BRDT: variants seen among roughly 807,000 people sequenced by gnomAD.
The protein encoded by BRDT is bromodomain testis associated.
BRDT carries 77 observed loss-of-function variants against 113.9 expected under a neutral mutation model. The observed-to-expected ratio is 0.68, with a 90% CI of 0.56 to 0.82. The LOEUF (loss-of-function observed/expected upper bound fraction) is 0.82. Among genes scored for constraint, BRDT ranks in the 40% least tolerant of loss-of-function variants. BRDT has a pLI of 0.00. For synonymous variants in BRDT, 358 were observed against 366.5 expected (o/e 0.98, Z 0.26); for missense variants, 1,027 against 1,105.4 (o/e 0.93, Z 1.01).
At chr1:92,007,814 A>G (rs1242671820) in intron 18 of BRDT, among the ~76,000 whole-genome samples, 2 of 152,150 alleles carry the variant, frequency 1.3e-5, no homozygotes, top group Non-Finnish European at 2.9e-5. Flanking sequence ...TATCTCTTAA[A>G]TTGTTTTAAA....
intron 12 of BRDT, among the ~76,000 whole-genome samples, chr1:91,982,018 A>G (rs1684777534): frequency 6.6e-6 from 1 of 152,206 alleles, no homozygotes; most frequent in Non-Finnish European, 1.5e-5. Flanking sequence ...GTCTCAATAA[A>G]TAATTTCAAA....
At chr1:91,995,460 G>A (rs527917525) in intron 15 of BRDT, among the ~76,000 whole-genome samples, 24 of 137,440 alleles carry the variant, frequency 1.7e-4, no homozygotes, top group African/African-American at 6.7e-4. Context: ...TGTGTGTGTT[G>A]TTTAAATTTT....
intron 15 of BRDT, among the ~76,000 whole-genome samples, chr1:91,994,846 C>T (rs1291385345): frequency 4.8e-5 from 5 of 104,082 alleles, no homozygotes; most frequent in Non-Finnish European, 5.2e-5. Context: ...CCAGCCTGGG[C>T]GACAGAGCAA....
At chr1:91,980,318 C>A (rs902532468) in intron 8 of BRDT, among the ~76,000 whole-genome samples, 1 of 73,270 alleles carries the variant, frequency 1.4e-5, no homozygotes, top group African/African-American at 3.3e-5. Context: ...CAGGATCACA[C>A]CACCGCACTC....
At position 91,977,232 on chromosome 1, in the gene BRDT, A is replaced by C; in HGVS notation, c.808A>C (p.Thr270Pro). ...TAATGTTGTGAAGACTGTTAAAGTA[A>C]CTGAACAATTAAGGCACTGTAGTGA... Reference protein sequence around the residue: ...QYNVVKTVKVTEQLRHCSEIL... With the variant: ...QYNVVKTVKVPEQLRHCSEIL... The change falls in exon 6 of 19, where the codon ACT becomes CCT. Residue 270 changes from threonine to proline, a missense_variant. Transcript: ENST00000399546. 1 of 1,614,062 alleles carries C rather than the reference A, an allele frequency of 6.2e-7. No homozygotes were observed. The highest frequency in any genetic ancestry group is 8.5e-7 in the Non-Finnish European group (1 of 1,179,990).
rs1557864787 is a variant in BRDT at position 92,004,457 on chromosome 1, A to T, written c.2432A>T (p.Lys811Ile). Residue 811 changes from lysine to isoleucine, a missense_variant, in exon 17 of 19, where the codon AAA becomes ATA. Transcript: ENST00000399546. Reference sequence around the variant, plus strand: ...GCAGATTCATGGAAAAGTTTAGGCAAACCAGTGAAACCATCAGGTGTAATG... The same window carrying T: ...GCAGATTCATGGAAAAGTTTAGGCATACCAGTGAAACCATCAGGTGTAATG... The part of the protein sequence containing the change: ...KNADSWKSLG[K>I]PVKPSGVMKS... 1.2e-6 allele frequency: 2 copies of T among 1,610,440 alleles called. No homozygotes were observed. Among genetic ancestry groups the T allele is most frequent in the Admixed American group, 1.7e-5 (1 of 59,042 alleles).
At chr1:91,994,718 A>G (rs191023274) in intron 15 of BRDT, among the ~76,000 whole-genome samples, 3 of 151,334 alleles carry the variant, frequency 2.0e-5, no homozygotes, top group African/African-American at 4.9e-5. Flanking sequence ...AATACAAAAA[A>G]TTAGCCGGGC....
intron 4 of BRDT, among the ~76,000 whole-genome samples, chr1:91,969,878 G>GA (rs1462918886): frequency 1.4e-5 from 2 of 143,080 alleles, no homozygotes; most frequent in Non-Finnish European, 3.0e-5. Flanking sequence ...GCCCAGGCTG[G>GA]AGTGCAATGG....
intron 1 of BRDT, among the ~76,000 whole-genome samples, chr1:91,957,897 T>C (rs75869477): frequency 2.6e-5 from 4 of 152,030 alleles, no homozygotes; most frequent in African/African-American, 9.7e-5. Flanking sequence ...GGCTGGAGTT[T>C]AGTAGGGCCA....
chr1:91,966,744 G>A (rs1034844135), intron 3 of BRDT, among the ~76,000 whole-genome samples: 5 of 152,152 alleles, frequency 3.3e-5, no homozygotes, highest in African/African-American at 9.7e-5. Flanking sequence ...GAAGCAAGAG[G>A]AAGACTTGTA....
At chr1:91,961,441 C>A (rs1185493128) in intron 1 of BRDT, among the ~76,000 whole-genome samples, 1 of 152,096 alleles carries the variant, frequency 6.6e-6, no homozygotes, top group African/African-American at 2.4e-5. Flanking sequence ...ACCAGCCGGG[C>A]CAACATGTTG....
chr1:91,954,271 A>ATT (rs34674557), intron 1 of BRDT, among the ~76,000 whole-genome samples: 29 of 79,788 alleles, frequency 3.6e-4, no homozygotes, highest in South Asian at 1.8e-3. Flanking sequence ...GGTGCTCGGC[A>ATT]TTTTTTTTTT....
Position 92,004,414 on chromosome 1 carries a change from G to A in BRDT, c.2389G>A (p.Asp797Asn), listed in dbSNP as rs1687109992. The A allele has an allele frequency of 1.9e-6, 3 of 1,594,208 alleles. No homozygotes were observed. The highest frequency in any genetic ancestry group is 2.6e-6 in the Non-Finnish European group (3 of 1,174,438). ...ESECQAPVQK[D>N]IKIKNADSWK... is the part of the protein sequence containing the mutation. ...AGACTGAACCAAATATTTGTTTTAG[G>A]ATATAAAGATTAAGAATGCAGATTC... The change falls in exon 17 of 19, where the codon GAT becomes AAT. Residue 797 changes from aspartate (D) to asparagine (N), a missense_variant and splice_region_variant. Physicochemically the swap from Asp to Asn is conservative, Grantham distance 23. Transcript: ENST00000399546.
rs779348247 is a variant in BRDT at position 91,962,770 on chromosome 1, C to T, written c.16C>T (p.Arg6Ter). The change falls in exon 2 of 19, where the codon CGA (arginine) becomes TGA (stop). Residue 6 changes from arginine (R) to a stop codon, truncating the protein, a stop_gained. Transcript: ENST00000399546. LOFTEE classifies it high-confidence loss of function. ...GCAGTTAAGAATGTCTCTGCCAAGT[C>T]GACAAACAGCTATTATTGTTAACCC... MSLPS[R>*]QTAIIVNPPP... is the part of the protein sequence containing the mutation. The T allele has an allele frequency of 7.6e-6, 12 of 1,588,106 alleles. No homozygotes were observed. The highest frequency in any genetic ancestry group is 9.4e-6 in the Non-Finnish European group (11 of 1,169,776).
intron 14 of BRDT, among the ~76,000 whole-genome samples, chr1:91,993,582 A>C (rs1008675812): frequency 2.0e-5 from 3 of 152,224 alleles, no homozygotes; most frequent in Non-Finnish European, 4.4e-5. Flanking sequence ...AGTTACCTGA[A>C]TATTGAATTA....
intron 1 of BRDT, among the ~76,000 whole-genome samples, chr1:91,960,248 G>A (rs556614027): frequency 6.6e-6 from 1 of 152,240 alleles, no homozygotes; most frequent in South Asian, 2.1e-4. Context: ...GTAAACCCAT[G>A]TTCATAGCAG....
intron 12 of BRDT, among the ~76,000 whole-genome samples, chr1:91,982,074 T>C (rs1164118443): frequency 6.6e-6 from 1 of 152,190 alleles, no homozygotes; most frequent in Non-Finnish European, 1.5e-5. Context: ...GACCTTTACT[T>C]GTTTTATAAA....
chr1:91,964,643 TA>T lies in BRDT; in HGVS notation c.215del (p.Asn72ThrfsTer5). ...KLQLPDYYTIIKNPMDLNTIK... is the reference protein window; with the variant it reads ...KLQLPDYYTIXKNPMDLNTIK... Reference sequence around the variant, plus strand: ...AAACCATAGGATTATTATACCATTATAAAAAACCCAATGGATTTAAATACAA... The same window carrying T: ...AAACCATAGGATTATTATACCATTATAAAAACCCAATGGATTTAAATACAA... On this transcript the variant is annotated frameshift_variant, in exon 3 of 19. Coordinates refer to ENST00000399546, the MANE Select transcript of BRDT (RefSeq NM_207189.4). LOFTEE classifies it high-confidence loss of function. The T allele has an allele frequency of 7.0e-7, 1 of 1,433,686 alleles. No individual in the cohort carries two copies. The highest frequency in any genetic ancestry group is 9.6e-7 in the Non-Finnish European group (1 of 1,045,076). 88.8% of individuals were successfully genotyped at this position (1,433,686 alleles called of 1,614,324 possible). A position where few individuals can be genotyped will look rare whatever the true frequency, so the allele number is the denominator to read the frequency against.
chr1:91,969,138 C>T (rs1683367168), intron 4 of BRDT, among the ~76,000 whole-genome samples: 1 of 151,872 alleles, frequency 6.6e-6, no homozygotes, highest in Non-Finnish European at 1.5e-5. Context: ...GTCGGGGTTT[C>T]ACCATGTTAG....
Sources: gnomAD v4.1 joint callset for allele counts (sites outside exome capture counted in the v4.1 genomes callset) on GRCh38, gnomAD v4.1.1 for gene constraint, MANE v1.5 for transcripts, NCBI Gene and HGNC (gene_info 2026-07-23, HGNC 2026-07-21) for gene names.